Variants in ZNF451 observed in about 807,000 individuals in gnomAD.
ZNF451 encodes E3 SUMO-protein ligase ZNF451.
Under a neutral mutation model 107.1 loss-of-function variants are expected in ZNF451, and 80 were observed. The ratio of observed to expected loss-of-function variants is 0.75; its 90% CI spans 0.62 to 0.90. The LOEUF is 0.90. ZNF451 is among the 40% of genes least tolerant of loss of function. The pLI is 0.00. For synonymous variants in ZNF451, 362 were observed against 406.5 expected (o/e 0.89, Z 1.32); for missense variants, 1,107 against 1,236.2 (o/e 0.90, Z 1.57).
At chr6:57,159,465 C>G in intron 13 of ZNF451, 1 of 873,926 alleles carries the variant, frequency 1.1e-6, no homozygotes. Flanking sequence ...ACATGTGGCC[C>G]AGTTCAGCTT....
At chr6:57,103,077 G>T (rs534663042) in intron 3 of ZNF451, 1 of 985,370 alleles carries the variant, frequency 1.0e-6, no homozygotes, top group Non-Finnish European at 1.2e-6. Context: ...ATACAAAAAA[G>T]ATACGCACAT....
chr6:57,110,388 C>T (rs1418065453), intron 3 of ZNF451, among the ~76,000 whole-genome samples: 1 of 152,082 alleles, frequency 6.6e-6, no homozygotes, highest in East Asian at 1.9e-4. Flanking sequence ...TACCATAGTC[C>T]ATTATGTACA....
rs868366033 is a variant in ZNF451, at chr6:57,108,118, C to T, written c.186+8977C>T. 1.6e-4 allele frequency: 162 copies of T among 983,844 alleles called. 2 individuals carry two copies. The South Asian group carries it at 5.6e-3, about 34-fold the overall frequency. 60.9% of individuals were successfully genotyped at this position (983,844 alleles called of 1,614,324 possible). On this transcript the variant is annotated intron_variant, in intron 3 of 14. Transcript: ENST00000370706. ...CCTCCCAAAGTGCTGGGATTACAGG[C>T]GTGAGCCACAGTGCCCGGCCTGTAT... is the stretch of plus-strand genomic sequence containing the variant.
intron 5 of ZNF451, among the ~76,000 whole-genome samples, chr6:57,132,718 C>G (rs1831240425): frequency 6.6e-6 from 1 of 150,922 alleles, no homozygotes; most frequent in Non-Finnish European, 1.5e-5. Flanking sequence ...GGGAAAAAAG[C>G]TACTTGGAGC....
chr6:57,092,684 GTT>G (rs1252966669), intron 2 of ZNF451: 3 of 152,118 alleles, frequency 2.0e-5, no homozygotes, highest in African/African-American at 7.2e-5. Context: ...AGATGAAAAA[GTT>G]TGATTTTTTC....
intron 13 of ZNF451, chr6:57,159,281 C>A (rs1248950178): frequency 2.0e-6 from 2 of 985,276 alleles, no homozygotes; most frequent in Non-Finnish European, 2.4e-6. Flanking sequence ...TGTCATTATT[C>A]AAACCTGTAG....
chr6:57,101,611 C>T (rs905187872), intron 3 of ZNF451: 1 of 1,550,826 alleles, frequency 6.4e-7, no homozygotes, highest in East Asian at 2.4e-5. Context: ...GACTCAATAT[C>T]AGCGTAAACT....
intron 3 of ZNF451, among the ~76,000 whole-genome samples, chr6:57,118,319 A>C (rs1276212743): frequency 6.6e-6 from 1 of 152,134 alleles, no homozygotes; most frequent in Non-Finnish European, 1.5e-5. Context: ...CTTTTGTTAA[A>C]GTTTAAAACC....
At position 57,148,019 on chromosome 6, in the gene ZNF451, T is replaced by G. The variant is rs1832160478; in HGVS notation, c.1934T>G (p.Phe645Cys). 1.9e-6 allele frequency: 3 copies of G among 1,614,114 alleles called. No homozygotes were observed. Among genetic ancestry groups the G allele is most frequent in the Non-Finnish European group, 2.5e-6 (3 of 1,179,972 alleles). Residue 645 changes from phenylalanine to cysteine, a missense_variant, in exon 10 of 15, where the codon TTT becomes TGT. Physicochemically the swap from Phe to Cys is radical, Grantham distance 205 (BLOSUM62 -2). Transcript: ENST00000370706. ...AGCTGTGCTCACTGCAGAAAGCCTTTTCATAAGATAGAAACATTGTACCGA... is the reference window on the plus strand; with the variant it reads ...AGCTGTGCTCACTGCAGAAAGCCTTGTCATAAGATAGAAACATTGTACCGA... ...RYSCAHCRKP[F>C]HKIETLYRHC...
chr6:57,109,591 T>C, intron 3 of ZNF451: 2 of 985,400 alleles, frequency 2.0e-6, no homozygotes, highest in Non-Finnish European at 2.4e-6. Flanking sequence ...CATTTTAAAA[T>C]GTTATTTAAC....
rs1831357381 is a variant in ZNF451 at position 57,134,843 on chromosome 6, A to G, written c.675A>G (p.Gln225=). Residue 225 remains glutamine, a synonymous_variant, in exon 7 of 15, where the codon CAA becomes CAG. Transcript: ENST00000370706. ...VVCYKKFVTQ[Q]QYRDHLFDKE... ...GTTATAAAAAATTTGTTACTCAACA[A>G]CAATATAGAGATCACCTTTTTGATA... The G allele has an allele frequency of 8.7e-6, 14 of 1,609,170 alleles. No individual in the cohort carries two copies. In the East Asian group the frequency reaches 3.1e-4, roughly 36 times the overall value.
intron 4 of ZNF451, 53 bp downstream of exon 4, chr6:57,124,912 A>C (rs1462424123): frequency 8.1e-7 from 1 of 1,237,438 alleles, no homozygotes; most frequent in Admixed American, 3.4e-5. Flanking sequence ...ATTTATAATA[A>C]AGTTGGTAAA....
At chr6:57,140,409 TAC>T in intron 7 of ZNF451, among the ~76,000 whole-genome samples, 1 of 152,194 alleles carries the variant, frequency 6.6e-6, no homozygotes, top group East Asian at 1.9e-4. Flanking sequence ...CTACCAAAAA[TAC>T]AAAAATTTGC....
At position 57,147,544 on chromosome 6, in the gene ZNF451, G is replaced by A. The variant is rs1377812294; in HGVS notation, c.1459G>A (p.Glu487Lys). Residue 487 changes from glutamate to lysine, a missense_variant, in exon 10 of 15, where the codon GAA becomes AAA. Transcript: ENST00000370706. Reference sequence around the variant, plus strand: ...GCGATTCCCAAGTGAAGATGCAGTAGAAAAGCATGTTTTCTCAGCAAACAC... The same window carrying A: ...GCGATTCCCAAGTGAAGATGCAGTAAAAAAGCATGTTTTCTCAGCAAACAC... ...NQRFPSEDAV[E>K]KHVFSANTMG... 1.2e-6 allele frequency: 2 copies of A among 1,614,130 alleles called. No individual in the cohort carries two copies. Among genetic ancestry groups the A allele is most frequent in the South Asian group, 2.2e-5 (2 of 91,084 alleles).
At chr6:57,156,642 C>T (rs12205105) in intron 13 of ZNF451, among the ~76,000 whole-genome samples, 1 of 152,152 alleles carries the variant, frequency 6.6e-6, no homozygotes, top group Non-Finnish European at 1.5e-5. Context: ...CATGTATGTA[C>T]TACATTGCAT....
At chr6:57,091,909 T>G (rs1188425031) in intron 2 of ZNF451, among the ~76,000 whole-genome samples, 1 of 152,216 alleles carries the variant, frequency 6.6e-6, no homozygotes, top group Non-Finnish European at 1.5e-5. Flanking sequence ...AATAGATTTG[T>G]TTAGGAGTCC....
Position 57,124,770 on chromosome 6 carries a change from A to T in ZNF451, c.223A>T (p.Lys75Ter), listed in dbSNP as rs781271625. The T allele has an allele frequency of 6.3e-7, 1 of 1,599,342 alleles. No individual in the cohort carries two copies. ...IKRKDHIDYQ[K>*]DKVALTLARL... is the part of the protein sequence containing the mutation. ...ACGTAAAGACCATATTGATTATCAG[A>T]AGGATAAAGTTGCTTTAACTCTGGC... is the stretch of plus-strand genomic sequence containing the variant. The change falls in exon 4 of 15, where the codon AAG (lysine) becomes TAG (stop). Residue 75 changes from lysine to a stop codon, truncating the protein, a stop_gained. Coordinates refer to ENST00000370706, the MANE Select transcript of ZNF451 (RefSeq NM_001031623.3). LOFTEE classifies it high-confidence loss of function.
intron 8 of ZNF451, 68 bp from the exon 9 acceptor site, chr6:57,141,880 A>G: frequency 7.2e-7 from 1 of 1,384,376 alleles, no homozygotes; most frequent in South Asian, 1.3e-5. Flanking sequence ...AGAAGGGCTG[A>G]GGGGAGGAAG....
intron 2 of ZNF451, among the ~76,000 whole-genome samples, chr6:57,095,870 C>A (rs1485719888): frequency 6.6e-6 from 1 of 151,806 alleles, no homozygotes; most frequent in African/African-American, 2.4e-5. Context: ...GTTGCCCAGG[C>A]TGGAGTGCAC....
Sources: gnomAD v4.1 joint callset for allele counts (sites outside exome capture counted in the v4.1 genomes callset) on GRCh38, gnomAD v4.1.1 for gene constraint, MANE v1.5 for transcripts, NCBI Gene and HGNC (gene_info 2026-07-23, HGNC 2026-07-21) for gene names.